Variants in CXCL13 observed in about 807,000 individuals in gnomAD.
The protein encoded by CXCL13 is C-X-C motif chemokine 13.
Under a neutral mutation model 12.2 loss-of-function variants are expected in CXCL13, and 7 were observed. The ratio of observed to expected loss-of-function variants is 0.57; its 90% confidence interval spans 0.33 to 1.07. The LOEUF is 1.07. Ranked by LOEUF, CXCL13 falls within the 50% of genes least tolerant of loss-of-function variation. The pLI is 0.04. For synonymous variants in CXCL13, 47 were observed against 42.4 expected, an observed-to-expected ratio of 1.11 and a Z score of -0.42; for missense variants, 113 against 127.4, an observed-to-expected ratio of 0.89 and a Z score of 0.55.
At chr4:77,530,118 A>G (rs1039459963) in intron 1 of CXCL13, among the ~76,000 whole-genome samples, 2 of 152,148 alleles carry the variant, frequency 1.3e-5, no homozygotes, top group Non-Finnish European at 2.9e-5. Flanking sequence ...GCATCCCAGG[A>G]ATGAAGCCCA....
rs1726682722 is a variant in CXCL13, at chr4:77,593,971, C to T, written c.-42-11853C>T. ...GGATAAACTGGGGCAGTGCCTCTCT[C>T]TGAGCAGCAGCAAAAGGTCAGCATT... is the stretch of plus-strand genomic sequence containing the variant. On this transcript the variant is annotated intron_variant, in intron 1 of 4. Coordinates refer to the CXCL13 transcript ENST00000286758. Among the ~76,000 whole-genome samples the T allele has an allele frequency of 2.0e-5, 3 of 152,208 alleles. No individual in the cohort carries two copies. In the South Asian group the frequency reaches 6.2e-4, roughly 32 times the overall value.
At chr4:77,571,383 G>A (rs888968332) in intron 1 of CXCL13, among the ~76,000 whole-genome samples, 11 of 151,684 alleles carry the variant, frequency 7.3e-5, no homozygotes, top group Admixed American at 5.9e-4. Context: ...GTGGGGATGT[G>A]GAGAACCTTT....
At chr4:77,607,228 C>G (rs1438680423) in intron 1 of CXCL13, among the ~76,000 whole-genome samples, 1 of 152,126 alleles carries the variant, frequency 6.6e-6, no homozygotes, top group Non-Finnish European at 1.5e-5. Context: ...GTTGTAAGTC[C>G]CTACAGAGGC....
intron 1 of CXCL13, among the ~76,000 whole-genome samples, chr4:77,560,124 T>A (rs948449652): frequency 5.3e-5 from 8 of 152,222 alleles, no homozygotes; most frequent in Admixed American, 5.2e-4. Flanking sequence ...ATCAAACATT[T>A]ACTATGAGCC....
intron 1 of CXCL13, among the ~76,000 whole-genome samples, chr4:77,529,406 C>T (rs1266409533): frequency 6.6e-6 from 1 of 152,174 alleles, no homozygotes; most frequent in East Asian, 1.9e-4. Context: ...TCTTCCTACC[C>T]ATGAGCATGG....
intron 1 of CXCL13, among the ~76,000 whole-genome samples, chr4:77,548,808 G>A (rs1184501365): frequency 1.3e-5 from 2 of 152,080 alleles, no homozygotes; most frequent in Non-Finnish European, 2.9e-5. Flanking sequence ...TGACAATTAT[G>A]TGTCTTGGAG....
intron 1 of CXCL13, among the ~76,000 whole-genome samples, chr4:77,518,123 C>T (rs2110078599): frequency 6.6e-6 from 1 of 152,252 alleles, no homozygotes; most frequent in Middle Eastern, 3.4e-3. Context: ...AATATTGGCC[C>T]CCACTCTCTT....
intron 1 of CXCL13, among the ~76,000 whole-genome samples, chr4:77,520,019 G>A (rs1428165195): frequency 2.0e-5 from 3 of 152,158 alleles, no homozygotes; most frequent in Non-Finnish European, 2.9e-5. Context: ...AAGATCAGAT[G>A]GTTGTAGATG....
At chr4:77,585,451 A>G (rs1472848641) in intron 1 of CXCL13, among the ~76,000 whole-genome samples, 2 of 152,172 alleles carry the variant, frequency 1.3e-5, no homozygotes, top group Admixed American at 1.3e-4. Context: ...TGATTCCTAA[A>G]CGTCCTCAGC....
intron 1 of CXCL13, among the ~76,000 whole-genome samples, chr4:77,515,331 C>T (rs1051855387): frequency 1.3e-5 from 2 of 151,824 alleles, no homozygotes; most frequent in African/African-American, 2.4e-5. Context: ...TAGTTTTTTC[C>T]AATTCTGTGA....
intron 1 of CXCL13, among the ~76,000 whole-genome samples, chr4:77,597,353 T>C (rs1726789850): frequency 6.6e-6 from 1 of 152,178 alleles, no homozygotes; most frequent in African/African-American, 2.4e-5. Flanking sequence ...TTGAATAGTA[T>C]ATTTTTTAAT....
At chr4:77,557,674 G>T (rs879065840) in intron 1 of CXCL13, among the ~76,000 whole-genome samples, 2 of 152,180 alleles carry the variant, frequency 1.3e-5, no homozygotes, top group African/African-American at 2.4e-5. Flanking sequence ...TGCATTGAGC[G>T]GGGCAGGTCC....
At chr4:77,577,535 G>A (rs1726226832) in intron 1 of CXCL13, among the ~76,000 whole-genome samples, 1 of 152,174 alleles carries the variant, frequency 6.6e-6, no homozygotes, top group Non-Finnish European at 1.5e-5. Context: ...CATGGATAAA[G>A]GTCATGCTAG....
chr4:77,544,879 G>T (rs938202568), intron 1 of CXCL13, among the ~76,000 whole-genome samples: 4 of 152,130 alleles, frequency 2.6e-5, no homozygotes, highest in African/African-American at 9.7e-5. Context: ...TATGGTTTTA[G>T]GTCTAACATG....
intron 1 of CXCL13, among the ~76,000 whole-genome samples, chr4:77,545,538 GCTCT>G (rs1725339787): frequency 6.6e-6 from 1 of 152,038 alleles, no homozygotes; most frequent in Admixed American, 6.6e-5. Flanking sequence ...TCACGATTTG[GCTCT>G]CTGTTTGTCT....
At chr4:77,579,596 A>G (rs1387466185) in intron 1 of CXCL13, among the ~76,000 whole-genome samples, 3 of 151,776 alleles carry the variant, frequency 2.0e-5, no homozygotes, top group Non-Finnish European at 2.9e-5. Context: ...ACACTCCTCT[A>G]CTCTGTGGTT....
intron 1 of CXCL13, among the ~76,000 whole-genome samples, chr4:77,512,091 C>A (rs1489121170): frequency 2.0e-5 from 3 of 152,066 alleles, no homozygotes; most frequent in East Asian, 3.9e-4. Context: ...TTTCTTTGAT[C>A]GAAACTTTAA....
At chr4:77,573,394 GTGTGTGTGTGTGTGTGTA>G (rs1315635484) in intron 1 of CXCL13, among the ~76,000 whole-genome samples, 5 of 150,314 alleles carry the variant, frequency 3.3e-5, no homozygotes, top group African/African-American at 1.2e-4. Context: ...GTGTGTGTGT[GTGTGTGTGTGTGTGTGTA>G]TGTCTAAATG....
chr4:77,549,254 C>G (rs1425680338), intron 1 of CXCL13, among the ~76,000 whole-genome samples: 1 of 152,120 alleles, frequency 6.6e-6, no homozygotes, highest in Admixed American at 6.5e-5. Flanking sequence ...TTTTTCAAGG[C>G]CTTTAGCTTC....
Sources: gnomAD v4.1 joint callset for allele counts (sites outside exome capture counted in the v4.1 genomes callset) on GRCh38, gnomAD v4.1.1 for gene constraint, MANE v1.5 for transcripts, NCBI Gene and HGNC (gene_info 2026-07-23, HGNC 2026-07-21) for gene names.